Variants in CPLANE1 observed in about 807,000 individuals in gnomAD.
CPLANE1 encodes ciliogenesis and planar polarity effector 1.
A neutral mutation model predicts 362.5 loss-of-function variants in CPLANE1; 263 were observed. The ratio of observed to expected loss-of-function variants is 0.73; its 90% confidence interval spans 0.66 to 0.80. The LOEUF is 0.80. Ranked by LOEUF, CPLANE1 falls within the 30% of genes least tolerant of loss-of-function variation. The probability of loss-of-function intolerance (pLI) is 0.00; values close to 1 mark genes in which losing one functional copy is unlikely to be tolerated. For missense variants in CPLANE1, 3,461 were observed against 3,793.4 expected (o/e 0.91, Z 2.30); for synonymous variants, 1,212 against 1,302.6 (o/e 0.93, Z 1.50).
intron 17 of CPLANE1, 131 bp downstream of exon 17, chr5:37,206,066 T>C (rs934838548): frequency 1.3e-5 from 9 of 671,144 alleles, no homozygotes; most frequent in Middle Eastern, 6.5e-4. Flanking sequence ...CACATTTCTA[T>C]CACTAAAGAA....
At chr5:37,150,836 TACTTAA>T (rs1381963919) in intron 42 of CPLANE1, among the ~76,000 whole-genome samples, 1 of 152,194 alleles carries the variant, frequency 6.6e-6, no homozygotes, top group Non-Finnish European at 1.5e-5. Flanking sequence ...TAACCAGACC[TACTTAA>T]AATCAGAATT....
At chr5:37,246,761 A>G (rs927764530) in intron 2 of CPLANE1, among the ~76,000 whole-genome samples, 3 of 152,164 alleles carry the variant, frequency 2.0e-5, no homozygotes, top group Admixed American at 6.5e-5. Context: ...TATAAAAATT[A>G]GCTGGGCATG....
At chr5:37,166,858 T>A (rs897589504) in intron 35 of CPLANE1, among the ~76,000 whole-genome samples, 189 bp downstream of exon 35, 3 of 152,202 alleles carry the variant, frequency 2.0e-5, no homozygotes, top group African/African-American at 7.2e-5. Flanking sequence ...GAAAAAATTA[T>A]AGTATTTGTC....
chr5:37,164,920 C>T (rs565309263), intron 36 of CPLANE1, among the ~76,000 whole-genome samples: 2 of 152,158 alleles, frequency 1.3e-5, no homozygotes, highest in South Asian at 2.1e-4. Context: ...GCCTGGGCAA[C>T]ACAGCAAGGT....
intron 46 of CPLANE1, 95 bp from the exon 47 acceptor site, chr5:37,125,504 T>C (rs1763892910): frequency 7.9e-7 from 1 of 1,258,378 alleles, no homozygotes. Context: ...GGAAATATTT[T>C]GCCCCATCTT....
Position 37,169,386 on chromosome 5 carries a change from A to T in CPLANE1, c.6638T>A (p.Ile2213Asn), listed in dbSNP as rs575049365. 1 of 1,614,216 alleles carries T rather than the reference A, an allele frequency of 6.2e-7. No homozygotes were observed. Among genetic ancestry groups the T allele is most frequent in the East Asian group, 2.2e-5 (1 of 44,876 alleles). Residue 2213 changes from isoleucine to asparagine, a missense_variant, in exon 34 of 53, where the codon ATC (isoleucine) becomes AAC (asparagine). Around this residue, in one of 2 missense-constraint regions of CPLANE1, gnomAD observed 3,380 missense variants for 3,666.1 expected, o/e 0.92. Transcript: ENST00000651892. ...AGGACTAAATGTTTTTGCATGTGGG[A>T]TAAGTCTAGGTGCCTTCTGAACAAC... is the stretch of plus-strand genomic sequence containing the variant. ...PSVVQKAPRLIPHAKTFSPGD... is the reference protein window; with the variant it reads ...PSVVQKAPRLNPHAKTFSPGD...
At chr5:37,087,987 C>G in the CPLANE1 span, among the ~76,000 whole-genome samples, 1 of 152,170 alleles carries the variant, frequency 6.6e-6, no homozygotes, top group Non-Finnish European at 1.5e-5. Flanking sequence ...GGTGGCCGGC[C>G]AAGACATAAC....
At chr5:37,151,452 G>A (rs773400238) in intron 42 of CPLANE1, among the ~76,000 whole-genome samples, 5 of 152,110 alleles carry the variant, frequency 3.3e-5, no homozygotes, top group Non-Finnish European at 5.9e-5. Context: ...TACACTCCTT[G>A]AGAGTAGGTA....
downstream of CPLANE1, among the ~76,000 whole-genome samples, chr5:37,103,180 T>C (rs1300683974): frequency 6.6e-6 from 1 of 152,220 alleles, no homozygotes; most frequent in East Asian, 1.9e-4. Context: ...AAGTCTGTTT[T>C]GTCAGAAACC....
intron 31 of CPLANE1, among the ~76,000 whole-genome samples, 184 bp from the exon 32 acceptor site, chr5:37,174,131 T>G (rs1780529134): frequency 6.6e-6 from 1 of 152,152 alleles, no homozygotes; most frequent in Admixed American, 6.5e-5. Flanking sequence ...CCAGACACAT[T>G]CGTCATCAGC....
rs1366683336 is a variant in CPLANE1, at chr5:37,227,400, A to C, written c.1372-8T>G. 6.6e-7 allele frequency: 1 copy of C among 1,517,306 alleles called. No homozygotes were observed. The highest frequency in any genetic ancestry group is 8.8e-7 in the Non-Finnish European group (1 of 1,133,296). The allele number at this position is 1,517,306 out of a possible 1,614,324, so 94.0% of individuals were successfully genotyped here. A position where few individuals can be genotyped will look rare whatever the true frequency, so the allele number is the denominator to read the frequency against. On this transcript the variant is annotated splice_polypyrimidine_tract_variant and splice_region_variant and intron_variant, in intron 10 of 52. Coordinates refer to ENST00000651892, the MANE Select transcript of CPLANE1 (RefSeq NM_001384732.1). ...CAGTCCTTTGCCTTTTGGCTAAAGA[A>C]GAAAAGATGAAAGATTTCCAAGAGC...
chr5:37,145,828 A>G (rs1291636903), intron 43 of CPLANE1, among the ~76,000 whole-genome samples: 1 of 152,218 alleles, frequency 6.6e-6, no homozygotes, highest in African/African-American at 2.4e-5. Flanking sequence ...AATACAATAA[A>G]TGAACAGTGA....
rs1554082031 is a variant in CPLANE1, at chr5:37,180,999, C to G, written c.5428G>C (p.Glu1810Gln). The G allele has an allele frequency of 3.7e-6, 6 of 1,613,566 alleles. No homozygotes were observed. The South Asian group carries it at 5.5e-5, about 15-fold the overall frequency. Residue 1810 changes from glutamate (E) to glutamine (Q), a missense_variant, in exon 27 of 53, where the codon GAG becomes CAG. Glu to Gln is a conservative substitution (Grantham distance 29, BLOSUM62 2). Coordinates refer to ENST00000651892, the MANE Select transcript of CPLANE1 (RefSeq NM_001384732.1). ...ATCTGACACCCAGTGTCACGATTCT[C>G]TACCATCTAAAGCAAACCATTTAAA... is the stretch of plus-strand genomic sequence containing the variant. ...KAKNAIIKMVENRDTGCQIGP... is the reference protein window; with the variant it reads ...KAKNAIIKMVQNRDTGCQIGP...
chr5:37,101,640 C>G (rs1757297659), downstream of CPLANE1, among the ~76,000 whole-genome samples: 1 of 152,098 alleles, frequency 6.6e-6, no homozygotes, highest in South Asian at 2.1e-4. Flanking sequence ...GGAGTCGCTC[C>G]TTTTCAATTG....
chr5:37,131,939 T>C (rs1034846988), intron 46 of CPLANE1, among the ~76,000 whole-genome samples: 1 of 152,198 alleles, frequency 6.6e-6, no homozygotes, highest in African/African-American at 2.4e-5. Flanking sequence ...ATTACAGGTG[T>C]GAGCTATCGC....
chr5:37,091,200 T>C, the CPLANE1 span, among the ~76,000 whole-genome samples: 1 of 152,150 alleles, frequency 6.6e-6, no homozygotes, highest in Non-Finnish European at 1.5e-5. Flanking sequence ...CAAACAGATG[T>C]TACACACGTC....
chr5:37,225,633 C>CCTG, intron 12 of CPLANE1, among the ~76,000 whole-genome samples: 1 of 152,104 alleles, frequency 6.6e-6, no homozygotes, highest in Admixed American at 6.5e-5. Context: ...GGGCGGATCA[C>CCTG]CTGAGGTCAG....
rs1791888173 is a variant in CPLANE1 at position 37,209,263 on chromosome 5, G to A, written c.2921-2838C>T. 9 of 696,820 alleles carry A rather than the reference G, an allele frequency of 1.3e-5. No individual in the cohort carries two copies. Among genetic ancestry groups the A allele is most frequent in the Non-Finnish European group, 2.4e-5 (9 of 378,698 alleles). The allele number at this position is 696,820 out of a possible 1,614,324, so 43.2% of individuals were successfully genotyped here. A position where few individuals can be genotyped will look rare whatever the true frequency, so the allele number is the denominator to read the frequency against. ...CAGGACAGAAGCAGGGCTCTGGAGG[G>A]CAGGGATTCCCCCTCGTCTTGGCCC... On this transcript the variant is annotated intron_variant, in intron 16 of 52. Transcript: ENST00000651892. This position sits in a 1 kb window ranked among gnomAD's most constrained non-coding sequence, Gnocchi z 4.6.
chr5:37,154,072 CT>C, intron 41 of CPLANE1, 79 bp from the exon 42 acceptor site: 1 of 1,286,950 alleles, frequency 7.8e-7, no homozygotes, highest in South Asian at 1.5e-5. Context: ...TTTTTGATGA[CT>C]TCATTTTAAA....
Sources: allele counts gnomAD v4.1 joint callset (sites outside exome capture counted in the v4.1 genomes callset), GRCh38; gene constraint gnomAD v4.1.1; regional missense constraint gnomAD v4.1.1; non-coding constraint Gnocchi (gnomAD v3.1); transcripts MANE v1.5; gene names NCBI Gene and HGNC (gene_info 2026-07-23, HGNC 2026-07-21).